The following LARGE1 variants were observed in gnomAD, a reference collection of about 807,000 sequenced individuals.
LARGE1 encodes LARGE xylosyl- and glucuronyltransferase 1.
In LARGE1, 43 loss-of-function variants were observed where a neutral mutation model predicts 87.6. The ratio of observed to expected loss-of-function variants is 0.49; its 90% CI spans 0.38 to 0.63. LARGE1 has a LOEUF of 0.63. LARGE1 is among the 30% of genes least tolerant of loss of function. The pLI, the probability that LARGE1 is intolerant of heterozygous loss-of-function variation, is 0.00. For missense variants in LARGE1, 802 were observed against 1,000.2 expected (o/e 0.80, Z 2.67); for synonymous variants, 434 against 394.6 (o/e 1.10, Z -1.18).
At chr22:33,593,568 G>A (rs2078902937) in intron 5 of LARGE1, among the ~76,000 whole-genome samples, 1 of 152,074 alleles carries the variant, frequency 6.6e-6, no homozygotes, top group African/African-American at 2.4e-5. Context: ...GTATTACCAC[G>A]TAGTGTTAAA....
Position 33,237,702 on chromosome 22 carries a change from A to C in LARGE1, c.1730+66527T>G, listed in dbSNP as rs187920863. On this transcript the variant is annotated intron_variant, in intron 11 of 11. Transcript: ENST00000608642. ...TCATTATCCATGCTAGCAGGGGAAG[A>C]GCAGAAAGCAATTCCACTCTTCAGG... Among the ~76,000 whole-genome samples the C allele has an allele frequency of 3.5e-3, 530 of 152,346 alleles. 2 individuals are homozygous for C. The highest frequency in any genetic ancestry group is 0.011 in the South Asian group (51 of 4,830).
At chr22:33,858,827 G>A (rs935178289) in intron 1 of LARGE1, among the ~76,000 whole-genome samples, 2 of 152,170 alleles carry the variant, frequency 1.3e-5, no homozygotes, top group African/African-American at 4.8e-5. Context: ...TAAAGAAAAC[G>A]TGGCACATAC....
intron 1 of LARGE1, among the ~76,000 whole-genome samples, chr22:33,812,020 A>G (rs2086512810): frequency 6.6e-6 from 1 of 152,272 alleles, no homozygotes; most frequent in South Asian, 2.1e-4. Context: ...AAAGTCTCTA[A>G]GGATGACTGA....
At chr22:33,561,643 A>G (rs2077865812) in intron 6 of LARGE1, among the ~76,000 whole-genome samples, 1 of 152,118 alleles carries the variant, frequency 6.6e-6, no homozygotes, top group Admixed American at 6.6e-5. Flanking sequence ...CTCAGTAAAT[A>G]TTGACCGAAT....
At chr22:33,098,322 TTAAAAAA>T in the LARGE1 span, among the ~76,000 whole-genome samples, 1 of 151,704 alleles carries the variant, frequency 6.6e-6, no homozygotes, top group African/African-American at 2.4e-5. Context: ...ATAAATAAAC[TTAAAAAA>T]TAAAAATAGG....
At chr22:33,587,302 C>T (rs1193009728) in intron 5 of LARGE1, among the ~76,000 whole-genome samples, 1 of 152,120 alleles carries the variant, frequency 6.6e-6, no homozygotes. Context: ...ATTTCTGCCT[C>T]ACAGAACCTG....
rs60692201 is a variant in LARGE1 at position 33,408,690 on chromosome 22, C to T, written c.892+23471G>A. On this transcript the variant is annotated intron_variant, in intron 7 of 14. Transcript: ENST00000397394. ...TGATTTTCATGTGCCACAAAATAGA[C>T]TTGTCTTTTTTTTTTTTTTTCTTTT... Among the ~76,000 whole-genome samples, 644 of 149,252 alleles carry T rather than the reference C, an allele frequency of 4.3e-3. 7 individuals carry two copies. Among genetic ancestry groups the T allele is most frequent in the African/African-American group, 0.015 (601 of 40,648 alleles).
At chr22:33,821,516 T>C (rs941102201) in intron 1 of LARGE1, among the ~76,000 whole-genome samples, 2 of 152,120 alleles carry the variant, frequency 1.3e-5, no homozygotes, top group Non-Finnish European at 2.9e-5. Context: ...ACTAATGAGA[T>C]GGTAAGGATG....
chr22:33,851,898 G>A (rs766941807), intron 1 of LARGE1, among the ~76,000 whole-genome samples: 1 of 152,186 alleles, frequency 6.6e-6, no homozygotes, highest in Non-Finnish European at 1.5e-5. Flanking sequence ...CTGAGACTGG[G>A]GAATGTTTGG....
intron 1 of LARGE1, among the ~76,000 whole-genome samples, chr22:33,765,281 G>T (rs984575314): frequency 6.6e-6 from 1 of 152,110 alleles, no homozygotes; most frequent in Non-Finnish European, 1.5e-5. Context: ...TTGCCAGAGG[G>T]TGTTTTTCCT....
intron 2 of LARGE1, among the ~76,000 whole-genome samples, chr22:33,669,142 G>A (rs866813377): frequency 2.0e-5 from 3 of 152,362 alleles, no homozygotes; most frequent in African/African-American, 2.4e-5. Flanking sequence ...AGTTACTAGC[G>A]ATGTTGACTT....
intron 9 of LARGE1, among the ~76,000 whole-genome samples, chr22:33,377,165 G>A (rs2065018219): frequency 6.6e-6 from 1 of 152,206 alleles, no homozygotes. Flanking sequence ...AATAGAACCA[G>A]GAATGCCATG....
In LARGE1 at chr22:33,576,538, T is replaced by C. The variant is rs561182681; in HGVS notation, c.616-11519A>G. Among the ~76,000 whole-genome samples the C allele has an allele frequency of 3.9e-5, 6 of 152,270 alleles. No homozygotes were observed. In the East Asian group the frequency reaches 7.7e-4, roughly 20 times the overall value. ...GCTATTGTTCTAGTTTTAAGTTAGATGACACGGTGCTTTATCAGGGTATGC... is the reference window on the plus strand; with the variant it reads ...GCTATTGTTCTAGTTTTAAGTTAGACGACACGGTGCTTTATCAGGGTATGC... On this transcript the variant is annotated intron_variant, in intron 5 of 14. Coordinates refer to ENST00000397394, the MANE Select transcript of LARGE1 (RefSeq NM_133642.5).
At chr22:33,122,335 CT>C in the LARGE1 span, among the ~76,000 whole-genome samples, 1 of 149,890 alleles carries the variant, frequency 6.7e-6, no homozygotes, top group African/African-American at 2.5e-5. Flanking sequence ...TATCTAGAGT[CT>C]TTTTTTCTTT....
intron 9 of LARGE1, among the ~76,000 whole-genome samples, chr22:33,342,507 C>G (rs894787152): frequency 6.6e-6 from 1 of 152,178 alleles, no homozygotes; most frequent in Non-Finnish European, 1.5e-5. Context: ...GACTGGAAGT[C>G]AACTCTGAAG....
chr22:33,538,491 G>T (rs561766374), intron 6 of LARGE1, among the ~76,000 whole-genome samples: 1 of 152,132 alleles, frequency 6.6e-6, no homozygotes, highest in Non-Finnish European at 1.5e-5. Context: ...ATAGCATTAC[G>T]AAGGTACATT....
chr22:33,356,569 T>G (rs759100057), intron 9 of LARGE1, among the ~76,000 whole-genome samples: 6 of 152,094 alleles, frequency 3.9e-5, no homozygotes, highest in Non-Finnish European at 8.8e-5. Context: ...GTCAGGAGTT[T>G]GACGCCAGCC....
the LARGE1 span, among the ~76,000 whole-genome samples, chr22:33,077,035 A>G: frequency 6.6e-6 from 1 of 152,198 alleles, no homozygotes; most frequent in Admixed American, 6.5e-5. Flanking sequence ...ACCCAGTAAG[A>G]CTATCTCAAA....
At chr22:33,824,164 T>C (rs969768656) in intron 1 of LARGE1, among the ~76,000 whole-genome samples, 2 of 152,184 alleles carry the variant, frequency 1.3e-5, no homozygotes, top group Non-Finnish European at 2.9e-5. Context: ...CTTCATTATA[T>C]GTATTTCCCC....
Sources: gnomAD v4.1 joint callset for allele counts (sites outside exome capture counted in the v4.1 genomes callset) on GRCh38, gnomAD v4.1.1 for gene constraint, MANE v1.5 for transcripts, NCBI Gene and HGNC (gene_info 2026-07-23, HGNC 2026-07-21) for gene names.